CNTNAP2: variants seen among roughly 807,000 people sequenced by gnomAD.
The protein encoded by CNTNAP2 is contactin-associated protein-like 2.
In CNTNAP2, 98 loss-of-function variants were observed where a neutral mutation model predicts 155.2. The observed-to-expected ratio is 0.63, with a 90% CI of 0.54 to 0.75. The LOEUF (loss-of-function observed/expected upper bound fraction) is 0.75, where lower values mean the gene tolerates loss of function less well. Ranked by LOEUF, CNTNAP2 falls within the 30% of genes least tolerant of loss-of-function variation. The probability of loss-of-function intolerance (pLI) is 0.00; values close to 1 mark genes in which losing one functional copy is unlikely to be tolerated. For missense variants in CNTNAP2, 1,727 were observed against 1,688.1 expected (o/e 1.02, Z -0.40); for synonymous variants, 651 against 631.2 (o/e 1.03, Z -0.47).
In CNTNAP2 at chr7:146,715,344, C is replaced by G. The variant is rs1349803747; in HGVS notation, c.98-58927C>G. ...CGAAACTCCATCTCAAGAAAACAAA[C>G]AAACAAAACTCTATGGAGTCAAAGA... On this transcript the variant is annotated intron_variant, in intron 1 of 23. Coordinates refer to ENST00000361727, the MANE Select transcript of CNTNAP2 (RefSeq NM_014141.6). 2.0e-5 allele frequency among the ~76,000 whole-genome samples: 3 copies of G among 152,034 alleles called. No individual in the cohort carries two copies. In the East Asian group the frequency reaches 5.8e-4, roughly 29 times the overall value.
At chr7:146,838,563 C>G (rs768273506) in intron 2 of CNTNAP2, among the ~76,000 whole-genome samples, 19 of 152,202 alleles carry the variant, frequency 1.2e-4, no homozygotes, top group Non-Finnish European at 2.6e-4. Context: ...GGTGATCCAC[C>G]TGCCTTGGTC....
At chr7:147,278,706 A>G (rs934882174) in intron 8 of CNTNAP2, among the ~76,000 whole-genome samples, 4 of 151,606 alleles carry the variant, frequency 2.6e-5, no homozygotes, top group African/African-American at 9.7e-5. Flanking sequence ...TTGGAAATAA[A>G]TAAAAGCGTG....
At chr7:147,488,051 G>A (rs1425837663) in intron 11 of CNTNAP2, among the ~76,000 whole-genome samples, 1 of 53,160 alleles carries the variant, frequency 1.9e-5, no homozygotes, top group African/African-American at 1.8e-4. Flanking sequence ...GTTGGCTGGT[G>A]ACTTTTTCTT....
chr7:146,638,028 C>G (rs139124874), intron 1 of CNTNAP2, among the ~76,000 whole-genome samples: 1 of 152,146 alleles, frequency 6.6e-6, no homozygotes, highest in South Asian at 2.1e-4. Context: ...GCACCTGTTG[C>G]AGTAACCCAT....
At chr7:147,886,302 G>A (rs931504008) in intron 13 of CNTNAP2, among the ~76,000 whole-genome samples, 2 of 151,812 alleles carry the variant, frequency 1.3e-5, no homozygotes, top group African/African-American at 4.8e-5. Flanking sequence ...GTGAAACCCT[G>A]TCTCTAATAA....
chr7:147,628,097 G>C (rs1478749102), intron 12 of CNTNAP2, among the ~76,000 whole-genome samples: 3 of 152,190 alleles, frequency 2.0e-5, no homozygotes, highest in African/African-American at 7.2e-5. Context: ...GGCCTTGCTA[G>C]AGATCAAGAT....
chr7:146,491,197 A>G (rs948760670), intron 1 of CNTNAP2, among the ~76,000 whole-genome samples: 4 of 152,176 alleles, frequency 2.6e-5, no homozygotes, highest in African/African-American at 9.7e-5. Flanking sequence ...CATTCTAGCT[A>G]CAAGAACACT....
At chr7:148,314,407 C>A (rs1462208703) in intron 21 of CNTNAP2, among the ~76,000 whole-genome samples, 1 of 152,110 alleles carries the variant, frequency 6.6e-6, no homozygotes. Flanking sequence ...CAAGTTTGTA[C>A]TGGGGTCAAG....
At chr7:146,312,594 T>A (rs1800843560) in intron 1 of CNTNAP2, among the ~76,000 whole-genome samples, 1 of 152,202 alleles carries the variant, frequency 6.6e-6, no homozygotes, top group Admixed American at 6.5e-5. Flanking sequence ...ATTAAAACTT[T>A]TTAAAAACAA....
chr7:146,191,239 G>T (rs560948837), intron 1 of CNTNAP2, among the ~76,000 whole-genome samples: 141 of 152,046 alleles, frequency 9.3e-4, no homozygotes, highest in Non-Finnish European at 1.0e-3. Context: ...GTCCAGGGGG[G>T]ACATCATATG....
chr7:147,761,682 A>G (rs1797300444), intron 13 of CNTNAP2, among the ~76,000 whole-genome samples: 1 of 152,208 alleles, frequency 6.6e-6, no homozygotes, highest in Non-Finnish European at 1.5e-5. Context: ...CATAAGTTAT[A>G]TCTTATCAGG....
chr7:148,260,417 C>T lies in CNTNAP2; in HGVS notation c.3382-6616C>T, dbSNP rs541241990. Among the ~76,000 whole-genome samples, 9 of 152,282 alleles carry T rather than the reference C, an allele frequency of 5.9e-5. No homozygotes were observed. The South Asian group carries it at 1.9e-3, about 32-fold the overall frequency. ...AATAAGACAATACATATTAAAAGAT[C>T]AGCACAAAGCCTTGTACACAGCAGT... On this transcript the variant is annotated intron_variant, in intron 20 of 23. Coordinates refer to ENST00000361727, the MANE Select transcript of CNTNAP2 (RefSeq NM_014141.6).
chr7:146,559,267 C>A (rs1361347332), intron 1 of CNTNAP2, among the ~76,000 whole-genome samples: 10 of 151,936 alleles, frequency 6.6e-5, no homozygotes, highest in Admixed American at 6.6e-4. Flanking sequence ...TATAATTTAT[C>A]AATTAAAATA....
Position 147,188,105 on chromosome 7 carries a change from A to T in CNTNAP2, c.1348+55596A>T, listed in dbSNP as rs139559542. Among the ~76,000 whole-genome samples the T allele has an allele frequency of 2.5e-3, 374 of 152,100 alleles. 1 individual carries two copies. Among genetic ancestry groups the T allele is most frequent in the African/African-American group, 8.6e-3 (356 of 41,496 alleles). ...ATGAGAGAAAAAAGAACAAACAAATACTCTTTTCCTCCAAGAGGGCACTAG... is the reference window on the plus strand; with the variant it reads ...ATGAGAGAAAAAAGAACAAACAAATTCTCTTTTCCTCCAAGAGGGCACTAG... On this transcript the variant is annotated intron_variant, in intron 8 of 23. Coordinates refer to ENST00000361727, the MANE Select transcript of CNTNAP2 (RefSeq NM_014141.6).
At chr7:146,770,631 T>C (rs1802278385) in intron 1 of CNTNAP2, among the ~76,000 whole-genome samples, 1 of 151,868 alleles carries the variant, frequency 6.6e-6, no homozygotes, top group Admixed American at 6.6e-5. Flanking sequence ...TGAATAATTA[T>C]ATAATTTTTT....
intron 15 of CNTNAP2, among the ~76,000 whole-genome samples, chr7:148,042,141 A>G (rs140447658): frequency 8.5e-5 from 13 of 152,344 alleles, no homozygotes; most frequent in African/African-American, 3.1e-4. Context: ...AAAAAAACAC[A>G]TAACACCAAA....
chr7:146,297,111 A>T (rs985581992), intron 1 of CNTNAP2, among the ~76,000 whole-genome samples: 1 of 151,996 alleles, frequency 6.6e-6, no homozygotes, highest in East Asian at 1.9e-4. Context: ...TGTTAATTCA[A>T]TTTTTTTCTT....
At chr7:147,348,706 C>A (rs1795920561) in intron 9 of CNTNAP2, among the ~76,000 whole-genome samples, 1 of 152,032 alleles carries the variant, frequency 6.6e-6, no homozygotes, top group Admixed American at 6.6e-5. Context: ...ATGTTTATTG[C>A]AGCACTATTC....
intron 8 of CNTNAP2, among the ~76,000 whole-genome samples, chr7:147,282,550 G>A (rs1171557796): frequency 6.6e-6 from 1 of 151,720 alleles, no homozygotes; most frequent in Non-Finnish European, 1.5e-5. Context: ...ATACAGAGAT[G>A]GTGAATTTAA....
Sources: gnomAD v4.1 joint callset for allele counts (sites outside exome capture counted in the v4.1 genomes callset) on GRCh38, gnomAD v4.1.1 for gene constraint, MANE v1.5 for transcripts, NCBI Gene and HGNC (gene_info 2026-07-23, HGNC 2026-07-21) for gene names.